Variants in GABRA3 observed in about 807,000 individuals in gnomAD.
GABRA3 encodes gamma-aminobutyric acid receptor subunit alpha-3.
GABRA3 carries 10 observed loss-of-function variants against 30.1 expected under a neutral mutation model. The observed-to-expected ratio is 0.33, with a 90% CI of 0.20 to 0.56. The LOEUF (loss-of-function observed/expected upper bound fraction) is 0.56. GABRA3 is among the 20% of genes least tolerant of loss of function. The pLI is 0.89. For missense variants in GABRA3, 233 were observed against 392.0 expected, an observed-to-expected ratio of 0.59 and a Z score of 3.42; for synonymous variants, 151 against 146.8, an observed-to-expected ratio of 1.03 and a Z score of -0.21.
intron 1 of GABRA3, among the ~76,000 whole-genome samples, chrX:152,372,172 A>AT (rs1928858865): frequency 9.0e-6 from 1 of 110,502 alleles, no homozygotes; most frequent in South Asian, 3.9e-4. Context: ...TTTAGAAAAA[A>AT]AAATATATAT....
chrX:152,298,759 T>C (rs1026458150), intron 3 of GABRA3, among the ~76,000 whole-genome samples: 12 of 111,532 alleles, frequency 1.1e-4, no homozygotes, highest in East Asian at 5.7e-4. Context: ...ATGGCTGGGT[T>C]AAATGGTATT....
chrX:152,279,814 A>G (rs1421703712), intron 4 of GABRA3, among the ~76,000 whole-genome samples: 1 of 111,288 alleles, frequency 9.0e-6, no homozygotes, highest in East Asian at 2.8e-4. Context: ...TTCTCCTTGA[A>G]GAGGTCCTTC....
At chrX:152,169,522 T>C (rs1936977403) in intron 9 of GABRA3, among the ~76,000 whole-genome samples, 1 of 111,949 alleles carries the variant, frequency 8.9e-6, no homozygotes, top group African/African-American at 3.2e-5. Flanking sequence ...GGGCCTCCCC[T>C]GATGCAGAAG....
intron 4 of GABRA3, among the ~76,000 whole-genome samples, chrX:152,267,352 G>A (rs750450022): frequency 9.0e-6 from 1 of 111,712 alleles, no homozygotes; most frequent in African/African-American, 3.2e-5. Context: ...TTGCATTCCT[G>A]GGATGAATCT....
chrX:152,350,947 T>C (rs1940470261), intron 2 of GABRA3, among the ~76,000 whole-genome samples: 1 of 112,188 alleles, frequency 8.9e-6, no homozygotes, highest in Non-Finnish European at 1.9e-5. Context: ...AGGTGCATTG[T>C]CAATGAAAAA....
intron 1 of GABRA3, among the ~76,000 whole-genome samples, chrX:152,435,043 T>C (rs1930741603): frequency 9.0e-6 from 1 of 111,217 alleles, no homozygotes; most frequent in South Asian, 3.7e-4. Flanking sequence ...CCAGTTAAAA[T>C]ACAGTAAAAA....
chrX:152,212,564 G>T (rs958497646), intron 6 of GABRA3, among the ~76,000 whole-genome samples: 1 of 110,346 alleles, frequency 9.1e-6, no homozygotes, highest in Non-Finnish European at 1.9e-5. Flanking sequence ...AGGATGGCTG[G>T]TGGAAAAGAG....
intron 4 of GABRA3, among the ~76,000 whole-genome samples, chrX:152,275,832 T>C (rs1939074689): frequency 9.1e-6 from 1 of 109,556 alleles, no homozygotes; most frequent in East Asian, 2.8e-4. Flanking sequence ...AGGATAGATA[T>C]AGATGGCTAG....
In GABRA3 at chrX:152,217,185, T is replaced by C. The variant is rs1385745329; in HGVS notation, c.634+7578A>G. 4.5e-5 allele frequency among the ~76,000 whole-genome samples: 5 copies of C among 111,535 alleles called. No individual in the cohort carries two copies. In the South Asian group the frequency reaches 1.8e-3, roughly 41 times the overall value. ...ATTTCTAGTGCAGAGTATATATGTT[T>C]CCTCATGTATTGAGATGATCGTGTG... is the stretch of plus-strand genomic sequence containing the variant. On this transcript the variant is annotated intron_variant, in intron 6 of 9. Transcript: ENST00000370314.
At chrX:152,178,250 A>ATGTG (rs763383254) in intron 9 of GABRA3, among the ~76,000 whole-genome samples, 28 of 107,052 alleles carry the variant, frequency 2.6e-4, no homozygotes, top group African/African-American at 4.5e-4. Flanking sequence ...GTGTGCGTCT[A>ATGTG]TGTGTGTGTG....
intron 7 of GABRA3, among the ~76,000 whole-genome samples, chrX:152,206,028 G>C (rs999838377): frequency 1.8e-5 from 2 of 112,864 alleles, no homozygotes; most frequent in African/African-American, 3.2e-5. Context: ...ACCAACCGCG[G>C]TTTACCAAAA....
intron 7 of GABRA3, among the ~76,000 whole-genome samples, chrX:152,204,547 TA>T (rs202002408): frequency 0.027 from 3,011 of 111,578 alleles, 47 homozygotes; most frequent in Non-Finnish European, 0.03. Context: ...TCGATTTCCT[TA>T]TCTATAAACC....
intron 3 of GABRA3, among the ~76,000 whole-genome samples, chrX:152,325,531 G>C (rs1940040184): frequency 8.9e-6 from 1 of 111,982 alleles, no homozygotes; most frequent in Admixed American, 9.5e-5. Flanking sequence ...AACATCTGCT[G>C]TTCTGCAATA....
chrX:152,302,333 G>T (rs906394617), intron 3 of GABRA3, among the ~76,000 whole-genome samples: 2 of 111,098 alleles, frequency 1.8e-5, no homozygotes, highest in Non-Finnish European at 3.8e-5. Context: ...TATGATAAAA[G>T]TAAGTGAATA....
chrX:152,179,302 A>G (rs1199784065), intron 9 of GABRA3, among the ~76,000 whole-genome samples: 1 of 111,453 alleles, frequency 9.0e-6, no homozygotes, highest in Non-Finnish European at 1.9e-5. Flanking sequence ...TTCTGTGGTA[A>G]GAACATTTAA....
intron 1 of GABRA3, among the ~76,000 whole-genome samples, chrX:152,387,471 C>T (rs1462915603): frequency 9.0e-6 from 1 of 111,494 alleles, no homozygotes; most frequent in African/African-American, 3.3e-5. Context: ...AAGTTCGTTA[C>T]AGGCTTCTGG....
At chrX:152,433,551 A>T (rs1001184915) in intron 1 of GABRA3, among the ~76,000 whole-genome samples, 5 of 110,014 alleles carry the variant, frequency 4.5e-5, no homozygotes, top group Non-Finnish European at 5.7e-5. Flanking sequence ...GGGTAGTTAC[A>T]GCATTAAATC....
chrX:152,368,053 G>C (rs1170305348), intron 1 of GABRA3, among the ~76,000 whole-genome samples: 1 of 111,903 alleles, frequency 8.9e-6, no homozygotes, highest in Non-Finnish European at 1.9e-5. Context: ...TGCTCCCCTA[G>C]AGTCTGTTCC....
At position 152,213,699 on chromosome X, in the gene GABRA3, A is replaced by G. The variant is rs190720196; in HGVS notation, c.635-5555T>C. Among the ~76,000 whole-genome samples the G allele has an allele frequency of 2.7e-5, 3 of 111,893 alleles. No homozygotes were observed. In the East Asian group the frequency reaches 8.5e-4, roughly 32 times the overall value. On this transcript the variant is annotated intron_variant, in intron 6 of 9. Coordinates refer to ENST00000370314, the MANE Select transcript of GABRA3 (RefSeq NM_000808.4). ...AAAGGGATATGATATAAGATTGAGG[A>G]GGTAGGTAACCAGAATACAGGATAT...
Sources: allele counts gnomAD v4.1 joint callset (sites outside exome capture counted in the v4.1 genomes callset), GRCh38; gene constraint gnomAD v4.1.1; transcripts MANE v1.5; gene names NCBI Gene and HGNC (gene_info 2026-07-23, HGNC 2026-07-21).